The following MBD2 variants were observed in gnomAD, a reference collection of about 807,000 sequenced individuals.
MBD2 encodes methyl-CpG-binding domain protein 2.
MBD2 carries 9 observed loss-of-function variants against 39.3 expected under a neutral mutation model. The observed-to-expected ratio is 0.23, with a 90% CI of 0.14 to 0.40. The LOEUF is 0.40. Ranked by LOEUF, MBD2 falls within the 10% of genes least tolerant of loss-of-function variation. MBD2 has a pLI of 1.00. For synonymous variants in MBD2, 233 were observed against 211.1 expected, an observed-to-expected ratio of 1.10 and a Z score of -0.90; for missense variants, 458 against 532.6, an observed-to-expected ratio of 0.86 and a Z score of 1.38.
At chr18:54,163,091 G>C (rs1056682110) in intron 5 of MBD2, among the ~76,000 whole-genome samples, 1 of 152,090 alleles carries the variant, frequency 6.6e-6, no homozygotes, top group Non-Finnish European at 1.5e-5. Flanking sequence ...GGCCAATATG[G>C]TGAAACCCTG....
At position 54,176,434 on chromosome 18, in the gene MBD2, T is replaced by C. The variant is rs567824364; in HGVS notation, c.841-10268A>G. ...TTTTCTAATGTTAGGATTCCATCAA[T>C]TGAATGAATATCTTACTTTCATAAG... On this transcript the variant is annotated intron_variant, in intron 3 of 6. Coordinates refer to ENST00000256429, the MANE Select transcript of MBD2 (RefSeq NM_003927.5). 4.6e-5 allele frequency among the ~76,000 whole-genome samples: 7 copies of C among 152,366 alleles called. No homozygotes were observed. In the South Asian group the frequency reaches 6.2e-4, roughly 14 times the overall value.
intron 2 of MBD2, among the ~76,000 whole-genome samples, chr18:54,200,827 C>T (rs995888169): frequency 2.0e-5 from 3 of 152,084 alleles, no homozygotes; most frequent in Non-Finnish European, 2.9e-5. Flanking sequence ...CGTCTGTAAT[C>T]CCAGCACTTT....
At chr18:54,172,688 C>T (rs1415902278) in intron 3 of MBD2, among the ~76,000 whole-genome samples, 4 of 152,088 alleles carry the variant, frequency 2.6e-5, no homozygotes, top group South Asian at 4.1e-4. Context: ...TGTATACTCA[C>T]GACCTCAACT....
chr18:54,195,475 C>G (rs1280534978), intron 2 of MBD2, among the ~76,000 whole-genome samples: 1 of 152,100 alleles, frequency 6.6e-6, no homozygotes, highest in African/African-American at 2.4e-5. Flanking sequence ...ACACCGCACA[C>G]TCCCCAAAAG....
Position 54,151,776 on chromosome 18 carries a change from G to A in MBD2, c.*3548C>T, listed in dbSNP as rs2086022931. ...TATATTATTTTAAAAATCCAAACGA[G>A]TAATCTTATATTCAAAGAGATTGTA... On this transcript the variant is annotated 3_prime_UTR_variant, in exon 7 of 7. Transcript: ENST00000256429. 6.9e-6 allele frequency: 1 copy of A among 145,424 alleles called. No homozygotes were observed. The highest frequency in any genetic ancestry group is 2.5e-5 in the African/African-American group (1 of 39,482). The allele number at this position is 145,424 out of a possible 1,614,324, so 9.0% of individuals were successfully genotyped here.
At chr18:54,223,239 T>A (rs1175848505) in intron 1 of MBD2, among the ~76,000 whole-genome samples, 1 of 152,126 alleles carries the variant, frequency 6.6e-6, no homozygotes, top group East Asian at 1.9e-4. Context: ...TACACTAAGG[T>A]GAAAAACCTT....
chr18:54,197,418 C>T (rs1392227108), intron 2 of MBD2, among the ~76,000 whole-genome samples: 1 of 152,236 alleles, frequency 6.6e-6, no homozygotes, highest in Non-Finnish European at 1.5e-5. Flanking sequence ...TTTTTGTCTT[C>T]ACATGATGAG....
intron 3 of MBD2, among the ~76,000 whole-genome samples, chr18:54,167,463 A>G (rs1208106285): frequency 6.6e-6 from 1 of 152,256 alleles, no homozygotes; most frequent in Non-Finnish European, 1.5e-5. Flanking sequence ...TGGGAGTTAA[A>G]TAAGGCAATA....
intron 3 of MBD2, among the ~76,000 whole-genome samples, chr18:54,178,377 CT>C (rs1452360778): frequency 6.6e-6 from 1 of 152,006 alleles, no homozygotes; most frequent in Non-Finnish European, 1.5e-5. Flanking sequence ...CTAAACATAT[CT>C]GTAAAACAAT....
rs996749060 is a variant in MBD2, at chr18:54,224,622, C to G, written c.-63G>C. 1 of 1,141,376 alleles carries G rather than the reference C, an allele frequency of 8.8e-7. No individual in the cohort carries two copies. The highest frequency in any genetic ancestry group is 1.6e-5 in the African/African-American group (1 of 62,658). The allele number at this position is 1,141,376 out of a possible 1,614,324, so 70.7% of individuals were successfully genotyped here. The stretch of plus-strand genomic sequence containing the variant: ...AACCGAGCCCTTGGAATCCCGGAGA[C>G]CCGCCCCGCCCGCAGCGCGGCGCGC... On this transcript the variant is annotated 5_prime_UTR_variant, in exon 1 of 7. Coordinates refer to ENST00000256429, the MANE Select transcript of MBD2 (RefSeq NM_003927.5).
intron 3 of MBD2, among the ~76,000 whole-genome samples, chr18:54,178,567 A>C (rs191061025): frequency 5.3e-5 from 8 of 152,306 alleles, no homozygotes; most frequent in African/African-American, 1.7e-4. Context: ...ATAAAAAAAA[A>C]CAAAGATCCC....
rs1270364667 is a variant in MBD2 at position 54,153,844 on chromosome 18, G to A, written c.*1480C>T. On this transcript the variant is annotated 3_prime_UTR_variant, in exon 7 of 7. Coordinates refer to ENST00000256429, the MANE Select transcript of MBD2 (RefSeq NM_003927.5). Reference sequence around the variant, plus strand: ...ATGGCCCTAGGGTCCAGGGATCAAAGTTGAGCGTAAATCAGGAATTCCAAG... The same window carrying A: ...ATGGCCCTAGGGTCCAGGGATCAAAATTGAGCGTAAATCAGGAATTCCAAG... 6.6e-6 allele frequency: 1 copy of A among 152,204 alleles called. No individual in the cohort carries two copies. Among genetic ancestry groups the A allele is most frequent in the Admixed American group, 6.5e-5 (1 of 15,282 alleles). The allele number at this position is 152,204 out of a possible 1,614,324, so 9.4% of individuals were successfully genotyped here.
At chr18:54,210,735 T>A (rs569054851) in intron 1 of MBD2, among the ~76,000 whole-genome samples, 4 of 152,182 alleles carry the variant, frequency 2.6e-5, no homozygotes, top group Admixed American at 6.5e-5. Flanking sequence ...CTAAACAGCA[T>A]GTTCAGAGGC....
At chr18:54,173,523 AC>A (rs1293785306) in intron 3 of MBD2, among the ~76,000 whole-genome samples, 1 of 152,230 alleles carries the variant, frequency 6.6e-6, no homozygotes, top group African/African-American at 2.4e-5. Context: ...GTGCAGCAGT[AC>A]GTAAGGAAAG....
chr18:54,195,362 A>G (rs2086356996), intron 2 of MBD2, among the ~76,000 whole-genome samples: 1 of 152,060 alleles, frequency 6.6e-6, no homozygotes, highest in Non-Finnish European at 1.5e-5. Flanking sequence ...AACATTAGTC[A>G]TGTTTAAGGT....
At chr18:54,178,769 T>C (rs181499403) in intron 3 of MBD2, among the ~76,000 whole-genome samples, 27 of 152,262 alleles carry the variant, frequency 1.8e-4, no homozygotes, top group African/African-American at 6.5e-4. Flanking sequence ...GTCTCCCCAA[T>C]ACCTCATTCC....
intron 2 of MBD2, chr18:54,202,863 T>A (rs1305788134): frequency 7.4e-7 from 1 of 1,357,250 alleles, no homozygotes; most frequent in Admixed American, 1.7e-5. Context: ...GACAAACAAG[T>A]CACAAATACA....
chr18:54,155,545 G>T (rs1052113953), intron 6 of MBD2, among the ~76,000 whole-genome samples: 1 of 152,042 alleles, frequency 6.6e-6, no homozygotes, highest in Non-Finnish European at 1.5e-5. Context: ...ATTTTCCAAA[G>T]AAATCATATG....
At chr18:54,173,524 C>T (rs906927808) in intron 3 of MBD2, among the ~76,000 whole-genome samples, 2 of 152,030 alleles carry the variant, frequency 1.3e-5, no homozygotes, top group South Asian at 2.1e-4. Context: ...TGCAGCAGTA[C>T]GTAAGGAAAG....
Sources: gnomAD v4.1 joint callset for allele counts (sites outside exome capture counted in the v4.1 genomes callset) on GRCh38, gnomAD v4.1.1 for gene constraint, MANE v1.5 for transcripts, NCBI Gene and HGNC (gene_info 2026-07-23, HGNC 2026-07-21) for gene names.